The following EVI5 variants were observed in gnomAD, a reference collection of about 807,000 sequenced individuals.
The protein encoded by EVI5 is ecotropic viral integration site 5.
A neutral mutation model predicts 112.0 loss-of-function variants in EVI5; 73 were observed. The observed-to-expected ratio is 0.65, with a 90% CI of 0.54 to 0.79. EVI5 has a LOEUF of 0.79. Among genes scored for constraint, EVI5 ranks in the 30% least tolerant of loss-of-function variants. The pLI is 0.00. For synonymous variants in EVI5, 305 were observed against 319.9 expected, an observed-to-expected ratio of 0.95 and a Z score of 0.50; for missense variants, 900 against 968.8, an observed-to-expected ratio of 0.93 and a Z score of 0.94.
intron 18 of EVI5, among the ~76,000 whole-genome samples, chr1:92,604,114 C>T (rs1464872454): frequency 6.6e-6 from 1 of 151,904 alleles, no homozygotes; most frequent in Non-Finnish European, 1.5e-5. Context: ...CTGTGGAAGG[C>T]AGAGGTGGGC....
At chr1:92,596,079 G>A (rs534353651) in intron 18 of EVI5, among the ~76,000 whole-genome samples, 1 of 152,232 alleles carries the variant, frequency 6.6e-6, no homozygotes, top group Admixed American at 6.5e-5. Flanking sequence ...ATATTTTGCT[G>A]GGCTTGGTGG....
chr1:92,680,709 A>G (rs1462515742), intron 9 of EVI5, among the ~76,000 whole-genome samples: 3 of 152,242 alleles, frequency 2.0e-5, no homozygotes, highest in Non-Finnish European at 2.9e-5. Context: ...CAAAGCTAAC[A>G]TTACCAGTTC....
At chr1:92,514,596 G>A (rs1377956608) in intron 19 of EVI5, among the ~76,000 whole-genome samples, 1 of 152,150 alleles carries the variant, frequency 6.6e-6, no homozygotes, top group Non-Finnish European at 1.5e-5. Context: ...GCAAAGTTTA[G>A]ATTCAAACTA....
intron 19 of EVI5, among the ~76,000 whole-genome samples, chr1:92,550,527 C>T (rs1199584489): frequency 6.7e-6 from 1 of 149,868 alleles, no homozygotes; most frequent in Admixed American, 6.7e-5. Context: ...GCAGGAGGAT[C>T]ACAAGGTCAG....
upstream of EVI5, among the ~76,000 whole-genome samples, chr1:92,786,334 T>G (rs1685640701): frequency 6.6e-6 from 1 of 152,084 alleles, no homozygotes; most frequent in Non-Finnish European, 1.5e-5. Context: ...CTAAAAACTT[T>G]GAAAACTTGA....
intron 2 of EVI5, among the ~76,000 whole-genome samples, chr1:92,713,380 G>C (rs1279003644): frequency 6.6e-6 from 1 of 150,820 alleles, no homozygotes; most frequent in Non-Finnish European, 1.5e-5. Flanking sequence ...GACCATACTA[G>C]ATCTAGATTT....
chr1:92,747,052 T>C (rs1679363729), intron 1 of EVI5, among the ~76,000 whole-genome samples: 2 of 152,180 alleles, frequency 1.3e-5, no homozygotes, highest in Admixed American at 6.5e-5. Flanking sequence ...AGATGGCCTA[T>C]ATAGTCCACA....
At chr1:92,687,095 A>C (rs1438380795) in intron 9 of EVI5, among the ~76,000 whole-genome samples, 1 of 152,168 alleles carries the variant, frequency 6.6e-6, no homozygotes, top group Non-Finnish European at 1.5e-5. Flanking sequence ...AATCCTAAGC[A>C]AAAAGAACAA....
chr1:92,699,979 C>T (rs1470413713), intron 5 of EVI5, among the ~76,000 whole-genome samples: 2 of 151,542 alleles, frequency 1.3e-5, no homozygotes, highest in African/African-American at 4.9e-5. Flanking sequence ...TTTTTAATGG[C>T]AACATTTTAA....
chr1:92,602,127 G>C (rs184120841), intron 18 of EVI5, among the ~76,000 whole-genome samples: 4 of 152,044 alleles, frequency 2.6e-5, no homozygotes, highest in Admixed American at 1.3e-4. Flanking sequence ...TTTTGATCCA[G>C]ATCAAAAAAT....
intron 2 of EVI5, among the ~76,000 whole-genome samples, chr1:92,707,219 C>CA (rs1672158782): frequency 6.9e-6 from 1 of 145,358 alleles, no homozygotes. Context: ...AACCTCTTCA[C>CA]AGCCTTTGGG....
chr1:92,642,877 T>C (rs1371283954), intron 13 of EVI5, among the ~76,000 whole-genome samples: 2 of 152,222 alleles, frequency 1.3e-5, no homozygotes, highest in Non-Finnish European at 2.9e-5. Flanking sequence ...AGCTTTTAAC[T>C]CAAATTCCTC....
intron 1 of EVI5, among the ~76,000 whole-genome samples, chr1:92,773,064 G>A (rs562052149): frequency 3.0e-4 from 45 of 150,648 alleles, no homozygotes; most frequent in African/African-American, 9.5e-4. Context: ...AAAATTAGCC[G>A]GATGTGGTGG....
At chr1:92,523,439 TA>T (rs1297909818) in intron 19 of EVI5, among the ~76,000 whole-genome samples, 1 of 151,992 alleles carries the variant, frequency 6.6e-6, no homozygotes, top group Non-Finnish European at 1.5e-5. Flanking sequence ...TTTATTAATA[TA>T]TTTTTTAAAA....
intron 19 of EVI5, among the ~76,000 whole-genome samples, chr1:92,546,140 A>G (rs1256809682): frequency 6.6e-6 from 1 of 152,154 alleles, no homozygotes; most frequent in Admixed American, 6.5e-5. Context: ...ACCATTTAGT[A>G]TAACTGCTTT....
chr1:92,719,240 GA>G, intron 2 of EVI5, among the ~76,000 whole-genome samples: 1 of 151,578 alleles, frequency 6.6e-6, no homozygotes. Flanking sequence ...GAGACACGAT[GA>G]AAAAAAGAGA....
chr1:92,693,965 A>T (rs1252306973), intron 8 of EVI5, 66 bp from the exon 9 acceptor site: 1 of 993,352 alleles, frequency 1.0e-6, no homozygotes, highest in Admixed American at 2.0e-5. Flanking sequence ...ATCCAAAGAC[A>T]TTCAAGAAAT....
chr1:92,619,236 C>T (rs980209021), intron 16 of EVI5, among the ~76,000 whole-genome samples: 1 of 152,102 alleles, frequency 6.6e-6, no homozygotes, highest in Non-Finnish European at 1.5e-5. Context: ...AATCAGCTGC[C>T]AGTGAATATA....
intron 19 of EVI5, among the ~76,000 whole-genome samples, chr1:92,524,263 T>C (rs1661472493): frequency 6.6e-6 from 1 of 152,098 alleles, no homozygotes. Context: ...CGGTGGTCCA[T>C]ACACTGCTCT....
Sources: gnomAD v4.1 joint callset for allele counts (sites outside exome capture counted in the v4.1 genomes callset) on GRCh38, gnomAD v4.1.1 for gene constraint, MANE v1.5 for transcripts, NCBI Gene and HGNC (gene_info 2026-07-23, HGNC 2026-07-21) for gene names.